DENND5B: variants seen among roughly 807,000 people sequenced by gnomAD.
The protein encoded by DENND5B is DENN domain containing 5B, also known as DENN domain-containing protein 5B.
Under a neutral mutation model 140.6 loss-of-function variants are expected in DENND5B, and 34 were observed. The observed-to-expected ratio is 0.24, with a 90% CI of 0.18 to 0.32. DENND5B has a LOEUF of 0.32. Among genes scored for constraint, DENND5B ranks in the 10% least tolerant of loss-of-function variants. The probability of loss-of-function intolerance (pLI) is 1.00; values close to 1 mark genes in which losing one functional copy is unlikely to be tolerated. For synonymous variants in DENND5B, 551 were observed against 562.1 expected (o/e 0.98, Z 0.28); for missense variants, 1,142 against 1,560.2 (o/e 0.73, Z 4.52).
Position 31,452,047 on chromosome 12 carries a change from T to C in DENND5B, c.1522A>G (p.Asn508Asp). 4.3e-6 allele frequency: 7 copies of C among 1,613,988 alleles called. No individual in the cohort carries two copies. Among genetic ancestry groups the C allele is most frequent in the Non-Finnish European group, 5.9e-6 (7 of 1,179,900 alleles). Residue 508 changes from asparagine (N) to aspartate (D), a missense_variant, in exon 5 of 21, where the codon AAC becomes GAC. Physicochemically the swap from Asn to Asp is conservative, Grantham distance 23 (BLOSUM62 1). Coordinates refer to ENST00000389082, the MANE Select transcript of DENND5B (RefSeq NM_144973.4). ...LNVQLREVFA[N>D]RFTQMFADYE... ...TCTGCAAACATCTGTGTAAAACGGT[T>C]AGCAAAGACCTCTCGGAGCTGTACA...
At chr12:31,535,609 T>C (rs1030061743) in intron 1 of DENND5B, among the ~76,000 whole-genome samples, 1 of 152,072 alleles carries the variant, frequency 6.6e-6, no homozygotes, top group Non-Finnish European at 1.5e-5. Context: ...GGATGCCCCC[T>C]AAGGCAGACA....
chr12:31,450,449 T>A (rs1321089128), intron 5 of DENND5B, among the ~76,000 whole-genome samples: 1 of 152,094 alleles, frequency 6.6e-6, no homozygotes, highest in East Asian at 1.9e-4. Flanking sequence ...AGCCTCAACT[T>A]CTGAAGCTCA....
rs1477699447 is a variant in DENND5B, at chr12:31,590,979, C to T, written c.-147G>A. 8.8e-5 allele frequency: 80 copies of T among 904,412 alleles called. No homozygotes were observed. The highest frequency in any genetic ancestry group is 3.6e-4 in the South Asian group (7 of 19,364). 56.0% of individuals were successfully genotyped at this position (904,412 alleles called of 1,614,324 possible). A position where few individuals can be genotyped will look rare whatever the true frequency, so the allele number is the denominator to read the frequency against. On this transcript the variant is annotated 5_prime_UTR_variant, in exon 1 of 21. Coordinates refer to ENST00000389082, the MANE Select transcript of DENND5B (RefSeq NM_144973.4). ...TGGCCGCGCAGCCGCCTCTCGCCGC[C>T]GCAGCCTGCCTCCTCGCTCGGCGCG...
chr12:31,515,751 AC>A (rs1947611882), intron 1 of DENND5B, among the ~76,000 whole-genome samples: 2 of 152,242 alleles, frequency 1.3e-5, no homozygotes, highest in African/African-American at 4.8e-5. Flanking sequence ...CACTAGTAAC[AC>A]AATATTACTG....
chr12:31,409,382 T>C lies in DENND5B; in HGVS notation c.2684A>G (p.Lys895Arg). 6.5e-7 allele frequency: 1 copy of C among 1,540,698 alleles called. No individual in the cohort carries two copies. Among genetic ancestry groups the C allele is most frequent in the Non-Finnish European group, 8.8e-7 (1 of 1,141,430 alleles). The change falls in exon 14 of 21, where the codon AAG becomes AGG. Residue 895 changes from lysine to arginine, a missense_variant and splice_region_variant. Transcript: ENST00000389082. The stretch of plus-strand genomic sequence containing the variant: ...TAGAAAAGCATATCGCTTATAAAGC[T>C]TCCTAGGAAAGGGTAAGACAAGCAC... ...QLLSNQPLTK[K>R]LYKRYAFLRC...
At position 31,499,148 on chromosome 12, in the gene DENND5B, A is replaced by G. The variant is rs573763355; in HGVS notation, c.128-3229T>C. On this transcript the variant is annotated intron_variant, in intron 1 of 20. Transcript: ENST00000389082. Reference sequence around the variant, plus strand: ...TCTAACTTAGAATTTACTGCTGGGAAAAAAAAACAGGAAAATAACCAAGTC... The same window carrying G: ...TCTAACTTAGAATTTACTGCTGGGAGAAAAAAACAGGAAAATAACCAAGTC... 5.9e-5 allele frequency among the ~76,000 whole-genome samples: 9 copies of G among 152,182 alleles called. No individual in the cohort carries two copies. The East Asian group carries it at 7.7e-4, about 13-fold the overall frequency.
chr12:31,563,749 C>T (rs919253786), intron 1 of DENND5B, among the ~76,000 whole-genome samples: 4 of 152,146 alleles, frequency 2.6e-5, no homozygotes, highest in Non-Finnish European at 5.9e-5. Context: ...AAGAAACATG[C>T]AAATGCCTTT....
intron 8 of DENND5B, among the ~76,000 whole-genome samples, chr12:31,427,727 T>C (rs1366357023): frequency 6.6e-6 from 1 of 152,060 alleles, no homozygotes; most frequent in Non-Finnish European, 1.5e-5. Context: ...CATTATATAG[T>C]AAAAGTAGCA....
intron 4 of DENND5B, among the ~76,000 whole-genome samples, chr12:31,457,708 ATTTTC>A (rs1393223511): frequency 6.7e-6 from 1 of 149,898 alleles, no homozygotes. Context: ...AAGCACTGCT[ATTTTC>A]TTTTCTTTTT....
intron 1 of DENND5B, among the ~76,000 whole-genome samples, chr12:31,574,687 T>C (rs1949952567): frequency 6.6e-6 from 1 of 152,144 alleles, no homozygotes; most frequent in Non-Finnish European, 1.5e-5. Flanking sequence ...TTCTATCCTC[T>C]CCATACACTC....
intron 6 of DENND5B, chr12:31,443,889 G>A (rs533242649): frequency 1.1e-4 from 17 of 152,244 alleles, no homozygotes; most frequent in African/African-American, 3.9e-4. Context: ...TAAGAAACTG[G>A]CCTTTTGAAG....
chr12:31,577,935 G>A (rs146397700), intron 1 of DENND5B, among the ~76,000 whole-genome samples: 35 of 151,050 alleles, frequency 2.3e-4, no homozygotes, highest in East Asian at 1.8e-3. Context: ...GACCAGCTTC[G>A]GCAACATAGT....
At chr12:31,437,684 A>G (rs960292156) in intron 7 of DENND5B, among the ~76,000 whole-genome samples, 1 of 152,236 alleles carries the variant, frequency 6.6e-6, no homozygotes, top group Non-Finnish European at 1.5e-5. Context: ...CAGTAGAATC[A>G]AGAAAATATA....
chr12:31,422,183 G>A (rs983787412), intron 11 of DENND5B, among the ~76,000 whole-genome samples: 2 of 151,802 alleles, frequency 1.3e-5, no homozygotes, highest in Admixed American at 1.3e-4. Context: ...ACTTTGGGAG[G>A]CCGAGGCGGG....
chr12:31,578,780 G>A (rs1950109038), intron 1 of DENND5B, among the ~76,000 whole-genome samples: 1 of 152,202 alleles, frequency 6.6e-6, no homozygotes, highest in South Asian at 2.1e-4. Context: ...AGGGGCAGCA[G>A]GGCGTAGGAA....
intron 1 of DENND5B, among the ~76,000 whole-genome samples, chr12:31,576,221 G>A (rs556629985): frequency 6.6e-6 from 1 of 151,500 alleles, no homozygotes; most frequent in Non-Finnish European, 1.5e-5. Context: ...AGAGGCCAAG[G>A]TGAGTGGATC....
intron 11 of DENND5B, among the ~76,000 whole-genome samples, chr12:31,418,435 C>T (rs1942869806): frequency 6.6e-6 from 1 of 151,574 alleles, no homozygotes; most frequent in Non-Finnish European, 1.5e-5. Flanking sequence ...CATGCCACCA[C>T]ACCTGGCTAA....
At chr12:31,451,627 T>G in intron 5 of DENND5B, 2 of 277,960 alleles carry the variant, frequency 7.2e-6, no homozygotes, top group Non-Finnish European at 1.4e-5. Flanking sequence ...CCGGCCTGAG[T>G]TTCTATAATT....
intron 14 of DENND5B, among the ~76,000 whole-genome samples, chr12:31,406,217 G>C (rs79302647): frequency 0.017 from 2,536 of 152,078 alleles, 73 homozygotes; most frequent in African/African-American, 0.058. Context: ...TTGATCATAA[G>C]AGGGGGTGTT....
Sources: allele counts gnomAD v4.1 joint callset (sites outside exome capture counted in the v4.1 genomes callset), GRCh38; gene constraint gnomAD v4.1.1; transcripts MANE v1.5; gene names NCBI Gene and HGNC (gene_info 2026-07-23, HGNC 2026-07-21).